GCN1: variants seen among roughly 807,000 people sequenced by gnomAD.
GCN1 encodes the protein GCN1 activator of EIF2AK4.
Under a neutral mutation model 288.4 loss-of-function variants are expected in GCN1, and 90 were observed. The ratio of observed to expected loss-of-function variants is 0.31; its 90% confidence interval spans 0.26 to 0.37. GCN1 has a LOEUF of 0.37. GCN1 is among the 10% of genes least tolerant of loss of function. The probability of loss-of-function intolerance (pLI) is 1.00; values close to 1 mark genes in which losing one functional copy is unlikely to be tolerated. For missense variants in GCN1, 2,586 were observed against 3,419.9 expected, an observed-to-expected ratio of 0.76 and a Z score of 6.08; for synonymous variants, 1,386 against 1,420.2, an observed-to-expected ratio of 0.98 and a Z score of 0.54.
intron 33 of GCN1, among the ~76,000 whole-genome samples, chr12:120,151,616 CA>C (rs1329084868): frequency 1.3e-5 from 2 of 152,196 alleles, no homozygotes; most frequent in Non-Finnish European, 2.9e-5. Flanking sequence ...AGCTTTGGCC[CA>C]TATGGTGCCA....
At position 120,142,810 on chromosome 12, in the gene GCN1, G is replaced by A; in HGVS notation, c.5613+14C>T. On this transcript the variant is annotated intron_variant, in intron 43 of 57. Transcript: ENST00000300648. The surrounding 1 kb of genome is among the most constrained non-coding windows in gnomAD (Gnocchi z 4.9). Reference sequence around the variant, plus strand: ...CCCTACCATCAGCAGGGGCAGGAAAGCCACTGCAGGCACCTTGTTGGACTG... The same window carrying A: ...CCCTACCATCAGCAGGGGCAGGAAAACCACTGCAGGCACCTTGTTGGACTG... 6.2e-7 allele frequency: 1 copy of A among 1,601,306 alleles called. No homozygotes were observed. Among genetic ancestry groups the A allele is most frequent in the South Asian group, 1.1e-5 (1 of 90,816 alleles).
chr12:120,130,986 C>CTGAATTTG (rs1876799440), intron 55 of GCN1, among the ~76,000 whole-genome samples, 199 bp downstream of exon 55: 6 of 152,198 alleles, frequency 3.9e-5, no homozygotes, highest in African/African-American at 1.4e-4. Flanking sequence ...GATTCTTCAA[C>CTGAATTTG]CCAAATTCCT....
chr12:120,166,781 C>A, intron 16 of GCN1, among the ~76,000 whole-genome samples: 1 of 151,288 alleles, frequency 6.6e-6, no homozygotes, highest in Non-Finnish European at 1.5e-5. Flanking sequence ...GAGGCTGAGG[C>A]AGGAGAATTG....
intron 14 of GCN1, 30 bp downstream of exon 14, chr12:120,173,623 C>G: frequency 7.0e-7 from 1 of 1,425,938 alleles, no homozygotes; most frequent in Non-Finnish European, 9.9e-7. Context: ...TGCAAGGAGA[C>G]CTGGACACTA....
intron 2 of GCN1, among the ~76,000 whole-genome samples, chr12:120,190,050 C>A (rs559105680): frequency 2.0e-5 from 3 of 151,646 alleles, no homozygotes; most frequent in Non-Finnish European, 4.4e-5. Context: ...ATTCGAGAAA[C>A]CCCATCTCTA....
intron 15 of GCN1, among the ~76,000 whole-genome samples, chr12:120,169,296 G>GAAAAAAAAAAAAAAAAAAAAAAAAA (rs767645879): frequency 1.8e-5 from 1 of 55,734 alleles, no homozygotes; most frequent in Admixed American, 1.8e-4. Flanking sequence ...AAAAAAAAAA[G>GAAAAAAAAAAAAAAAAAAAAAAAAA]AAAAAAAAAA....
Position 120,163,227 on chromosome 12 carries a change from A to G in GCN1, c.1881T>C (p.Ala627=). 6.2e-7 allele frequency: 1 copy of G among 1,614,092 alleles called. No individual in the cohort carries two copies. Among genetic ancestry groups the G allele is most frequent in the Non-Finnish European group, 8.5e-7 (1 of 1,179,966 alleles). The change falls in exon 19 of 58, where the codon GCT becomes GCC. Residue 627 remains alanine, a synonymous_variant. Coordinates refer to ENST00000300648, the MANE Select transcript of GCN1 (RefSeq NM_006836.2). Reference sequence around the variant, plus strand: ...CCTTGCCTGCCTCAGTCACCTCTCCAGCATCAGTCACCAAAGCCTCTAAGG... The same window carrying G: ...CCTTGCCTGCCTCAGTCACCTCTCCGGCATCAGTCACCAAAGCCTCTAAGG... ...VLPLEALVTD[A]GEVTEAGKAY...
chr12:120,187,745 A>G (rs372877972), intron 2 of GCN1, among the ~76,000 whole-genome samples: 5 of 152,134 alleles, frequency 3.3e-5, no homozygotes, highest in South Asian at 2.1e-4. Context: ...CAGCACCTCC[A>G]GGATTTCCGA....
At chr12:120,180,979 G>A (rs1312632445) in intron 5 of GCN1, among the ~76,000 whole-genome samples, 123 of 147,050 alleles carry the variant, frequency 8.4e-4, no homozygotes, top group African/African-American at 3.0e-3. Context: ...GCGACAGAGC[G>A]AGACTCCGTC....
rs539499406 is a variant in GCN1, at chr12:120,158,309, C to G, written c.2905+151G>C. ...AGTAAACCCTCAACTGGGCTCACTGCAATTCACAGACTACGAAGGTTCAAT... is the reference window on the plus strand; with the variant it reads ...AGTAAACCCTCAACTGGGCTCACTGGAATTCACAGACTACGAAGGTTCAAT... On this transcript the variant is annotated intron_variant, in intron 25 of 57. Coordinates refer to ENST00000300648, the MANE Select transcript of GCN1 (RefSeq NM_006836.2). The surrounding 1 kb of genome is among the most constrained non-coding windows in gnomAD (Gnocchi z 4.3). 1 of 709,078 alleles carries G rather than the reference C, an allele frequency of 1.4e-6. No individual in the cohort carries two copies. The highest frequency in any genetic ancestry group is 2.3e-6 in the Non-Finnish European group (1 of 436,116). 43.9% of individuals were successfully genotyped at this position (709,078 alleles called of 1,614,324 possible). A position where few individuals can be genotyped will look rare whatever the true frequency, so the allele number is the denominator to read the frequency against.
intron 2 of GCN1, among the ~76,000 whole-genome samples, chr12:120,189,787 T>G (rs1054621791): frequency 6.6e-6 from 1 of 150,608 alleles, no homozygotes; most frequent in African/African-American, 2.4e-5. Flanking sequence ...AGGACCAGCC[T>G]GGCCAACATG....
At chr12:120,129,838 T>G (rs867439324) in intron 56 of GCN1, among the ~76,000 whole-genome samples, 2 of 152,162 alleles carry the variant, frequency 1.3e-5, no homozygotes, top group African/African-American at 4.8e-5. Flanking sequence ...ATGTCATCCT[T>G]TAGAGGTGCC....
intron 2 of GCN1, among the ~76,000 whole-genome samples, chr12:120,185,410 T>C (rs952360657): frequency 1.6e-4 from 25 of 151,820 alleles, no homozygotes; most frequent in African/African-American, 6.1e-4. Context: ...TCTGGAAAAA[T>C]GGAAAGAGAG....
intron 46 of GCN1, 72 bp downstream of exon 46, chr12:120,138,623 C>T (rs764968831): frequency 5.0e-5 from 72 of 1,452,648 alleles, no homozygotes; most frequent in Non-Finnish European, 5.4e-5. Flanking sequence ...GCAGAATAAT[C>T]GCCCTGTATT....
At chr12:120,133,467 C>T (rs1473870714) in intron 53 of GCN1, among the ~76,000 whole-genome samples, 1 of 152,152 alleles carries the variant, frequency 6.6e-6, no homozygotes, top group Non-Finnish European at 1.5e-5. Flanking sequence ...GACTCTACTA[C>T]TTGCTGGGTA....
At chr12:120,187,226 T>G (rs1481974790) in intron 2 of GCN1, among the ~76,000 whole-genome samples, 6 of 151,868 alleles carry the variant, frequency 4.0e-5, no homozygotes, top group Non-Finnish European at 5.9e-5. Context: ...TTTTTTTTTT[T>G]TTTGAGACAG....
intron 1 of GCN1, among the ~76,000 whole-genome samples, chr12:120,194,173 A>C (rs534232385): frequency 2.0e-5 from 3 of 152,382 alleles, no homozygotes; most frequent in African/African-American, 4.8e-5. Context: ...ATAGATGAAA[A>C]GGCAGACTTG....
In GCN1 at chr12:120,194,225, G is replaced by A. The variant is rs921561314; in HGVS notation, c.18+455C>T. On this transcript the variant is annotated intron_variant, in intron 1 of 57. Transcript: ENST00000300648. Reference sequence around the variant, plus strand: ...TGTTTGGCATGTCACAGAAATCGACGAGCAGGAACTCAAGCCCAGATCTGT... The same window carrying A: ...TGTTTGGCATGTCACAGAAATCGACAAGCAGGAACTCAAGCCCAGATCTGT... 4.6e-5 allele frequency among the ~76,000 whole-genome samples: 7 copies of A among 152,226 alleles called. No individual in the cohort carries two copies. The South Asian group carries it at 6.2e-4, about 14-fold the overall frequency.
At chr12:120,193,931 C>T (rs567161518) in intron 1 of GCN1, among the ~76,000 whole-genome samples, 2 of 152,338 alleles carry the variant, frequency 1.3e-5, no homozygotes, top group African/African-American at 4.8e-5. Flanking sequence ...TGTTCTTCCC[C>T]TGCCTCATGA....
Sources: gnomAD v4.1 joint callset for allele counts (sites outside exome capture counted in the v4.1 genomes callset) on GRCh38, gnomAD v4.1.1 for gene constraint, Gnocchi (gnomAD v3.1) non-coding constraint, MANE v1.5 for transcripts, NCBI Gene and HGNC (gene_info 2026-07-23, HGNC 2026-07-21) for gene names.